Variants in GPHN observed in about 807,000 individuals in gnomAD.
GPHN encodes the protein gephyrin.
In GPHN, 17 loss-of-function variants were observed where a neutral mutation model predicts 95.5. The observed-to-expected ratio is 0.18, with a 90% CI of 0.12 to 0.27. GPHN has a LOEUF of 0.27. Ranked by LOEUF, GPHN falls within the 10% of genes least tolerant of loss-of-function variation. The pLI is 1.00. For missense variants in GPHN, 660 were observed against 978.1 expected, an observed-to-expected ratio of 0.67 and a Z score of 4.34; for synonymous variants, 320 against 322.5, an observed-to-expected ratio of 0.99 and a Z score of 0.08.
chr14:66,531,433 C>T (rs1178832248), intron 1 of GPHN, among the ~76,000 whole-genome samples: 1 of 152,054 alleles, frequency 6.6e-6, no homozygotes, highest in Non-Finnish European at 1.5e-5. Context: ...TAAACTCCCT[C>T]TCAAAACAAA....
At chr14:66,967,278 A>G (rs2069404416) in intron 9 of GPHN, among the ~76,000 whole-genome samples, 3 of 152,120 alleles carry the variant, frequency 2.0e-5, no homozygotes, top group South Asian at 4.1e-4. Flanking sequence ...GAGTTAGTCT[A>G]TTCCAATTAG....
the GPHN span, among the ~76,000 whole-genome samples, chr14:67,539,633 C>T: frequency 6.6e-6 from 1 of 152,072 alleles, no homozygotes. Flanking sequence ...CGATTTCTGC[C>T]ATTTTCAAGT....
the GPHN span, chr14:67,656,621 T>C: frequency 3.2e-6 from 5 of 1,575,350 alleles, no homozygotes; most frequent in Non-Finnish European, 3.5e-6. Context: ...AATGTTAGAC[T>C]TTTTCCATTA....
intron 4 of GPHN, among the ~76,000 whole-genome samples, chr14:66,866,773 G>A (rs2063235903): frequency 6.6e-6 from 1 of 152,104 alleles, no homozygotes; most frequent in African/African-American, 2.4e-5. Context: ...GTTGAATTAG[G>A]TAAATTGGTT....
At chr14:67,426,535 C>T in the GPHN span, among the ~76,000 whole-genome samples, 529 of 152,194 alleles carry the variant, frequency 3.5e-3, 2 homozygotes, top group African/African-American at 0.01. Flanking sequence ...GGTAGGCTGC[C>T]GGGTTCGGGG....
intron 2 of GPHN, among the ~76,000 whole-genome samples, chr14:66,699,692 C>G (rs1365739886): frequency 6.6e-6 from 1 of 152,092 alleles, no homozygotes; most frequent in East Asian, 1.9e-4. Flanking sequence ...TTCAACTTCA[C>G]CTCTCACTAT....
intron 12 of GPHN, among the ~76,000 whole-genome samples, chr14:67,097,287 CAGAA>C (rs1380683397): frequency 6.6e-6 from 1 of 152,062 alleles, no homozygotes; most frequent in African/African-American, 2.4e-5. Flanking sequence ...AATCTTTAAT[CAGAA>C]GGCAAGAATA....
chr14:67,629,930 C>G, the GPHN span, among the ~76,000 whole-genome samples: 1 of 152,098 alleles, frequency 6.6e-6, no homozygotes, highest in Non-Finnish European at 1.5e-5. Context: ...ATTTGTAAGA[C>G]AAAAATATAA....
chr14:67,562,861 A>G, the GPHN span: 1 of 1,613,386 alleles, frequency 6.2e-7, no homozygotes. Flanking sequence ...GTAACAAGCC[A>G]CCTACACCCC....
chr14:66,677,291 C>A (rs1434654574), intron 1 of GPHN, among the ~76,000 whole-genome samples: 1 of 151,868 alleles, frequency 6.6e-6, no homozygotes. Context: ...CTGATGTTTC[C>A]TTCTTCTTAT....
the GPHN span, among the ~76,000 whole-genome samples, chr14:67,195,770 G>C: frequency 6.6e-6 from 1 of 150,800 alleles, no homozygotes; most frequent in Non-Finnish European, 1.5e-5. Context: ...TTGAGACAGA[G>C]TCTTGCTCTG....
chr14:66,879,583 A>G (rs2063831707), intron 4 of GPHN, among the ~76,000 whole-genome samples: 1 of 152,088 alleles, frequency 6.6e-6, no homozygotes, highest in Non-Finnish European at 1.5e-5. Flanking sequence ...GACAAAGGAA[A>G]ATACCCAGAT....
chr14:66,632,989 C>G (rs571750767), intron 1 of GPHN, among the ~76,000 whole-genome samples: 10 of 152,296 alleles, frequency 6.6e-5, no homozygotes, highest in Non-Finnish European at 1.5e-4. Context: ...TTTCTGTGCC[C>G]TTGCTCAGGC....
the GPHN span, among the ~76,000 whole-genome samples, chr14:67,372,832 AAAAAAC>A: frequency 1.3e-5 from 2 of 152,134 alleles, no homozygotes; most frequent in East Asian, 3.9e-4. Context: ...ATCTCAAAAA[AAAAAAC>A]AAAAAACAAA....
intron 9 of GPHN, among the ~76,000 whole-genome samples, chr14:66,968,805 A>G (rs2069528374): frequency 3.3e-5 from 5 of 152,072 alleles, no homozygotes; most frequent in African/African-American, 1.2e-4. Flanking sequence ...TCCAACTTCT[A>G]CAAATAGATC....
At chr14:67,701,011 C>T in the GPHN span, among the ~76,000 whole-genome samples, 1 of 39,154 alleles carries the variant, frequency 2.6e-5, no homozygotes, top group Non-Finnish European at 5.0e-5. Context: ...GTGACAAGAG[C>T]AAAATTTCAT....
At chr14:67,463,705 G>A in the GPHN span, among the ~76,000 whole-genome samples, 3 of 146,674 alleles carry the variant, frequency 2.0e-5, no homozygotes, top group African/African-American at 7.6e-5. Context: ...GGCTGCTCTA[G>A]ACCATCAGCA....
the GPHN span, among the ~76,000 whole-genome samples, chr14:67,489,834 C>A: frequency 6.6e-6 from 1 of 152,120 alleles, no homozygotes; most frequent in East Asian, 1.9e-4. Context: ...ACTAAAAGCA[C>A]AAAAAATTAG....
intron 5 of GPHN, among the ~76,000 whole-genome samples, chr14:66,908,964 A>C (rs1247215437): frequency 6.6e-6 from 1 of 152,148 alleles, no homozygotes; most frequent in Non-Finnish European, 1.5e-5. Context: ...GCTAAATGTA[A>C]TTTGGTAATC....
Sources: gnomAD v4.1 joint callset for allele counts (sites outside exome capture counted in the v4.1 genomes callset) on GRCh38, gnomAD v4.1.1 for gene constraint, MANE v1.5 for transcripts, NCBI Gene and HGNC (gene_info 2026-07-23, HGNC 2026-07-21) for gene names.